The following ARMC9 variants were observed in gnomAD, a reference collection of about 807,000 sequenced individuals.
ARMC9 encodes the protein lisH domain-containing protein ARMC9.
A neutral mutation model predicts 107.0 loss-of-function variants in ARMC9; 94 were observed. That is an observed-to-expected ratio of 0.88 (90% confidence interval 0.74 to 1.04). ARMC9 has a LOEUF of 1.04. Among genes scored for constraint, ARMC9 ranks in the 50% least tolerant of loss-of-function variants. ARMC9 has a pLI of 0.00. For missense variants in ARMC9, 942 were observed against 1,030.1 expected (o/e 0.91, Z 1.17); for synonymous variants, 380 against 396.9 (o/e 0.96, Z 0.51).
rs1345595442 is a variant in ARMC9, at chr2:231,355,855, G to C, written c.2052G>C (p.Pro684=). 1 of 1,536,038 alleles carries C rather than the reference G, an allele frequency of 6.5e-7. No homozygotes were observed. The change falls in exon 22 of 25, where the codon CCG becomes CCC. Residue 684 remains proline, a synonymous_variant. Coordinates refer to ENST00000611582, the MANE Select transcript of ARMC9 (RefSeq NM_001352754.2). The part of the protein sequence containing the change: ...QTAQHARNGH[P]QALPAAHEAV... ...CCCAGCACGCCAGAAACGGCCACCC[G>C]CAGGCCCTGCCAGCCGCTCACGAGG...
chr2:231,256,170 G>A (rs2037780839), intron 9 of ARMC9: 2 of 1,534,074 alleles, frequency 1.3e-6, no homozygotes, highest in Non-Finnish European at 1.8e-6. Context: ...GGCTCTCAGG[G>A]ACAGTGCACG....
At chr2:231,281,637 G>A (rs1468249892) in intron 16 of ARMC9, among the ~76,000 whole-genome samples, 2 of 152,178 alleles carry the variant, frequency 1.3e-5, no homozygotes, top group Non-Finnish European at 1.5e-5. Flanking sequence ...GTTCATGGAC[G>A]ATGATGTCTG....
At chr2:231,321,398 A>C (rs1418193783) in intron 19 of ARMC9, among the ~76,000 whole-genome samples, 3 of 152,372 alleles carry the variant, frequency 2.0e-5, no homozygotes, top group African/African-American at 4.8e-5. Flanking sequence ...GGCTGGTCCC[A>C]GGCCACACTT....
At chr2:231,298,442 C>G (rs1213857271) in intron 19 of ARMC9, among the ~76,000 whole-genome samples, 5 of 152,194 alleles carry the variant, frequency 3.3e-5, no homozygotes, top group Non-Finnish European at 7.3e-5. Context: ...TTCTAAGAAT[C>G]CTTTGAGAAG....
chr2:231,286,390 C>T (rs1294873674), intron 17 of ARMC9, among the ~76,000 whole-genome samples: 2 of 152,206 alleles, frequency 1.3e-5, no homozygotes, highest in African/African-American at 4.8e-5. Context: ...GCTGGGATTA[C>T]AGGCGTGAGC....
At position 231,374,027 on chromosome 2, in the gene ARMC9, A is replaced by T. The variant is rs2046121234; in HGVS notation, c.*2492A>T. On this transcript the variant is annotated 3_prime_UTR_variant, in exon 25 of 25. Coordinates refer to ENST00000611582, the MANE Select transcript of ARMC9 (RefSeq NM_001352754.2). ...TACACTCCTGGGCTCACGCCTCTGCATTCCAAGGCTGACAGCTAGAAATAT... is the reference window on the plus strand; with the variant it reads ...TACACTCCTGGGCTCACGCCTCTGCTTTCCAAGGCTGACAGCTAGAAATAT... 6.6e-6 allele frequency: 1 copy of T among 152,162 alleles called. No homozygotes were observed. The allele number at this position is 152,162 out of a possible 1,614,324, so 9.4% of individuals were successfully genotyped here. A position where few individuals can be genotyped will look rare whatever the true frequency, so the allele number is the denominator to read the frequency against.
At chr2:231,252,357 C>T (rs1387896389) in intron 9 of ARMC9, among the ~76,000 whole-genome samples, 1 of 152,186 alleles carries the variant, frequency 6.6e-6, no homozygotes, top group Non-Finnish European at 1.5e-5. Context: ...TCAAGCAATT[C>T]TCCTTCCGCA....
chr2:231,235,440 A>G, intron 8 of ARMC9, 59 bp downstream of exon 8: 2 of 1,588,376 alleles, frequency 1.3e-6, no homozygotes, highest in South Asian at 1.2e-5. Context: ...GCTTATAGGC[A>G]TGGACTATGT....
At chr2:231,227,985 C>T (rs996496559) in intron 7 of ARMC9, among the ~76,000 whole-genome samples, 6 of 152,190 alleles carry the variant, frequency 3.9e-5, no homozygotes, top group Non-Finnish European at 8.8e-5. Flanking sequence ...GCAGGAGCAC[C>T]CTGAGTCTTG....
chr2:231,354,263 TAAAAAAAA>T (rs759691541), intron 21 of ARMC9, among the ~76,000 whole-genome samples: 9 of 100,442 alleles, frequency 9.0e-5, no homozygotes, highest in Admixed American at 2.2e-4. Flanking sequence ...CATCTCCATT[TAAAAAAAA>T]AAAAAAAAAA....
chr2:231,250,193 G>A (rs1386384085), intron 9 of ARMC9, among the ~76,000 whole-genome samples: 1 of 152,216 alleles, frequency 6.6e-6, no homozygotes, highest in African/African-American at 2.4e-5. Context: ...AGTCCACCCC[G>A]TGTTCAGAAC....
intron 2 of ARMC9, 67 bp downstream of exon 2, chr2:231,206,356 A>C: frequency 1.5e-6 from 2 of 1,353,508 alleles, no homozygotes; most frequent in Non-Finnish European, 2.1e-6. Flanking sequence ...TTTAAAATGC[A>C]ACAAACTATT....
chr2:231,359,999 CCT>C (rs371050649), intron 22 of ARMC9, among the ~76,000 whole-genome samples: 3 of 152,268 alleles, frequency 2.0e-5, no homozygotes, highest in African/African-American at 7.2e-5. Flanking sequence ...ACGGATGCAG[CCT>C]CTGTCACAGT....
intron 2 of ARMC9, 118 bp downstream of exon 2, chr2:231,206,407 A>G (rs2031999686): frequency 3.6e-6 from 3 of 830,146 alleles, no homozygotes; most frequent in South Asian, 3.9e-5. Flanking sequence ...TGTTGGAGCT[A>G]TTTTTCTATT....
rs2037729197 is a variant in ARMC9 at position 231,255,811 on chromosome 2, G to A, written c.880-775G>A. Among the ~76,000 whole-genome samples the A allele has an allele frequency of 6.6e-6, 1 of 152,222 alleles. No homozygotes were observed. The highest frequency in any genetic ancestry group is 2.4e-5 in the African/African-American group (1 of 41,462). On this transcript the variant is annotated intron_variant, in intron 9 of 24. Transcript: ENST00000611582. This position sits in a 1 kb window ranked among gnomAD's most constrained non-coding sequence, Gnocchi z 4.7. ...CCAACACTTTGGGAGGCCGAGGTGG[G>A]CGGATCACGAGGTCAGGAGATTGAG...
At chr2:231,314,772 G>A (rs2042567250) in intron 19 of ARMC9, among the ~76,000 whole-genome samples, 1 of 152,086 alleles carries the variant, frequency 6.6e-6, no homozygotes, top group Admixed American at 6.5e-5. Context: ...TCCTTCTAAG[G>A]GCTTTGTTGT....
rs142901953 is a variant in ARMC9, at chr2:231,336,846, C to T, written c.1878+4949C>T. 2.4e-4 allele frequency among the ~76,000 whole-genome samples: 36 copies of T among 152,312 alleles called. No homozygotes were observed. The East Asian group carries it at 6.0e-3, about 25-fold the overall frequency. On this transcript the variant is annotated intron_variant, in intron 20 of 24. Coordinates refer to ENST00000611582, the MANE Select transcript of ARMC9 (RefSeq NM_001352754.2). ...GGAGACTTGGCCCATTTGGACAGAA[C>T]TCAGGGTGTTCATGGAGCTGCCCCC...
intron 21 of ARMC9, among the ~76,000 whole-genome samples, chr2:231,354,823 G>A (rs955349918): frequency 7.9e-5 from 12 of 152,234 alleles, no homozygotes; most frequent in African/African-American, 2.4e-4. Context: ...CGAGGGCTCC[G>A]TTGCCTTACA....
intron 23 of ARMC9, among the ~76,000 whole-genome samples, chr2:231,366,186 G>A (rs1183390264): frequency 1.3e-5 from 2 of 152,136 alleles, no homozygotes; most frequent in African/African-American, 2.4e-5. Context: ...GCCATCAGTT[G>A]GCAGAACCCC....
Sources: allele counts gnomAD v4.1 joint callset (sites outside exome capture counted in the v4.1 genomes callset), GRCh38; gene constraint gnomAD v4.1.1; non-coding constraint Gnocchi (gnomAD v3.1); transcripts MANE v1.5; gene names NCBI Gene and HGNC (gene_info 2026-07-23, HGNC 2026-07-21).